The following RFX2 variants were observed in gnomAD, a reference collection of about 807,000 sequenced individuals.
RFX2 encodes regulatory factor X2, also known as DNA-binding protein RFX2.
Under a neutral mutation model 87.8 loss-of-function variants are expected in RFX2, and 20 were observed. The ratio of observed to expected loss-of-function variants is 0.23; its 90% CI spans 0.16 to 0.33. The LOEUF is 0.33. Ranked by LOEUF, RFX2 falls within the 10% of genes least tolerant of loss-of-function variation. The pLI, the probability that RFX2 is intolerant of heterozygous loss-of-function variation, is 1.00. For missense variants in RFX2, 767 were observed against 1,012.3 expected, an observed-to-expected ratio of 0.76 and a Z score of 3.29; for synonymous variants, 397 against 431.3, an observed-to-expected ratio of 0.92 and a Z score of 0.98.
rs994482960 is a variant in RFX2, at chr19:6,022,458, A to G, written c.597+3705T>C. Among the ~76,000 whole-genome samples, 1 of 152,220 alleles carries G rather than the reference A, an allele frequency of 6.6e-6. No homozygotes were observed. The highest frequency in any genetic ancestry group is 2.4e-5 in the African/African-American group (1 of 41,462). Reference sequence around the variant, plus strand: ...GTGCAAGTGATGTGTTTACTTTAGCAGACAGCGCCACCTCATGGTGACAGA... The same window carrying G: ...GTGCAAGTGATGTGTTTACTTTAGCGGACAGCGCCACCTCATGGTGACAGA... On this transcript the variant is annotated intron_variant, in intron 6 of 17. Coordinates refer to ENST00000303657, the MANE Select transcript of RFX2 (RefSeq NM_000635.4). This position sits in a 1 kb window ranked among gnomAD's most constrained non-coding sequence, Gnocchi z 6.2.
chr19:6,003,948 T>C (rs2086535220), intron 13 of RFX2, among the ~76,000 whole-genome samples: 1 of 152,102 alleles, frequency 6.6e-6, no homozygotes, highest in African/African-American at 2.4e-5. Flanking sequence ...CCGAATAAGA[T>C]GAGCACAGAA....
chr19:6,098,028 TTTC>T (rs1331577408), intron 1 of RFX2, among the ~76,000 whole-genome samples: 1 of 152,220 alleles, frequency 6.6e-6, no homozygotes, highest in Non-Finnish European at 1.5e-5. Flanking sequence ...AAAAACCCTC[TTTC>T]TTCTTTTCTT....
chr19:6,004,231 A>C lies in RFX2; in HGVS notation c.1470T>G (p.Ser490Arg), dbSNP rs1303111061. ...SLEGWLTNAMSDFPQQVIQTK... is the reference protein window; with the variant it reads ...SLEGWLTNAMRDFPQQVIQTK... ...TCTGGATGACCTGTTGTGGGAAGTCACTCATGGCATTTGTCAACCAGCCTT... is the reference window on the plus strand; with the variant it reads ...TCTGGATGACCTGTTGTGGGAAGTCCCTCATGGCATTTGTCAACCAGCCTT... The change falls in exon 13 of 18, where the codon AGT becomes AGG. Residue 490 changes from serine (S) to arginine (R), a missense_variant. This residue lies in a region of RFX2 where 621 missense variants were observed against 873.0 expected (regional missense o/e 0.71). Transcript: ENST00000303657. This position sits in a 1 kb window ranked among gnomAD's most constrained non-coding sequence, Gnocchi z 4.8. The C allele has an allele frequency of 7.4e-6, 12 of 1,613,442 alleles. No individual in the cohort carries two copies. Among genetic ancestry groups the C allele is most frequent in the Non-Finnish European group, 1.0e-5 (12 of 1,179,728 alleles).
rs576813191 is a variant in RFX2 at position 6,031,269 on chromosome 19, G to C, written c.523-5032C>G. On this transcript the variant is annotated intron_variant, in intron 5 of 17. Coordinates refer to ENST00000303657, the MANE Select transcript of RFX2 (RefSeq NM_000635.4). Reference sequence around the variant, plus strand: ...CACACACAGGCTTTTCTTGGAGGTGGTCATTGTACTCTGGTGGACTTCCCA... The same window carrying C: ...CACACACAGGCTTTTCTTGGAGGTGCTCATTGTACTCTGGTGGACTTCCCA... Among the ~76,000 whole-genome samples the C allele has an allele frequency of 9.9e-5, 15 of 152,152 alleles. No individual in the cohort carries two copies. The East Asian group carries it at 2.7e-3, about 27-fold the overall frequency.
chr19:5,995,713 T>C, intron 16 of RFX2, 70 bp from the exon 17 acceptor site: 2 of 1,395,378 alleles, frequency 1.4e-6, no homozygotes, highest in Non-Finnish European at 2.0e-6. Flanking sequence ...GCTCGGGGGA[T>C]GCCGGCCCAA....
At chr19:6,019,575 T>A (rs1210867473) in intron 6 of RFX2, among the ~76,000 whole-genome samples, 1 of 135,068 alleles carries the variant, frequency 7.4e-6, no homozygotes, top group African/African-American at 3.1e-5. Flanking sequence ...TTTTTTTTTT[T>A]AGAGACAGGG....
rs867090094 is a variant in RFX2, at chr19:5,998,277, T to C, written c.1860-1064A>G. 6.6e-6 allele frequency among the ~76,000 whole-genome samples: 1 copy of C among 151,960 alleles called. No individual in the cohort carries two copies. The highest frequency in any genetic ancestry group is 1.5e-5 in the Non-Finnish European group (1 of 67,980). ...GAGCCGAGATCATGTCGCTGCACTC[T>C]AGCCTGGGTGACAGAGCAACACTCC... On this transcript the variant is annotated intron_variant, in intron 15 of 17. Transcript: ENST00000303657. The surrounding 1 kb of genome is among the most constrained non-coding windows in gnomAD (Gnocchi z 4.2).
At chr19:6,014,053 T>C (rs2086693441) in intron 7 of RFX2, among the ~76,000 whole-genome samples, 1 of 152,096 alleles carries the variant, frequency 6.6e-6, no homozygotes, top group Non-Finnish European at 1.5e-5. Context: ...GGGAGAATGA[T>C]GATCAGAGGG....
At chr19:6,107,682 A>G (rs1284186185) in intron 1 of RFX2, among the ~76,000 whole-genome samples, 4 of 150,720 alleles carry the variant, frequency 2.7e-5, no homozygotes, top group African/African-American at 9.8e-5. Context: ...CGATTATAAT[A>G]TTAAAGTTAA....
At chr19:6,084,041 A>T (rs1422247763) in intron 1 of RFX2, among the ~76,000 whole-genome samples, 1 of 152,146 alleles carries the variant, frequency 6.6e-6, no homozygotes, top group Non-Finnish European at 1.5e-5. Flanking sequence ...AGAAGACCGG[A>T]TATGGGAGTG....
At position 6,010,193 on chromosome 19, in the gene RFX2, G is replaced by T; in HGVS notation, c.958C>A (p.His320Asn). 6.5e-7 allele frequency: 1 copy of T among 1,548,762 alleles called. No homozygotes were observed. Residue 320 changes from histidine (H) to asparagine (N), a missense_variant, in exon 9 of 18, where the codon CAC (histidine) becomes AAC (asparagine). By Grantham distance (68) the His-to-Asn change is moderately conservative. Coordinates refer to ENST00000303657, the MANE Select transcript of RFX2 (RefSeq NM_000635.4). This position sits in a 1 kb window ranked among gnomAD's most constrained non-coding sequence, Gnocchi z 5.0. Reference protein sequence around the residue: ...LGDSGSHSGLHSTPEQTMAVQ... With the variant: ...LGDSGSHSGLNSTPEQTMAVQ... ...GCCATGGTCTGTTCCGGAGTGCTGT[G>T]CAGGCCGCTGTGGGAGCCGCTGTCC... is the stretch of plus-strand genomic sequence containing the variant.
chr19:6,082,840 G>A (rs544023514), intron 1 of RFX2, among the ~76,000 whole-genome samples: 4 of 152,258 alleles, frequency 2.6e-5, no homozygotes, highest in Non-Finnish European at 4.4e-5. Context: ...TGCACTCAGC[G>A]CTTTTCAGAG....
Position 6,007,119 on chromosome 19 carries a change from G to C in RFX2, c.1295C>G (p.Ser432Cys). The C allele has an allele frequency of 3.7e-6, 6 of 1,614,164 alleles. No individual in the cohort carries two copies. The highest frequency in any genetic ancestry group is 5.1e-6 in the Non-Finnish European group (6 of 1,180,030). Residue 432 changes from serine to cysteine, a missense_variant, in exon 12 of 18, where the codon TCC (serine) becomes TGC (cysteine). Transcript: ENST00000303657. The surrounding 1 kb of genome is among the most constrained non-coding windows in gnomAD (Gnocchi z 8.2). ...GAVLPKDKLI[S>C]LCQCDPILRW... ...GAGGATGGGGTCGCACTGACACAGG[G>C]AGATAAGCTTGTCCTTGGGCAGGAC... is the stretch of plus-strand genomic sequence containing the variant.
In RFX2 at chr19:6,007,963, G is replaced by T. The variant is rs2086606188; in HGVS notation, c.1134+143C>A. ...GGAGCAGGCGATGGACATGGATGCG[G>T]AGGGGCTGCTGCTTCAGAGAGGATG... On this transcript the variant is annotated intron_variant, in intron 10 of 17. Coordinates refer to ENST00000303657, the MANE Select transcript of RFX2 (RefSeq NM_000635.4). This position sits in a 1 kb window ranked among gnomAD's most constrained non-coding sequence, Gnocchi z 8.2. 1.3e-6 allele frequency: 1 copy of T among 790,978 alleles called. No homozygotes were observed. Among genetic ancestry groups the T allele is most frequent in the Admixed American group, 2.0e-5 (1 of 49,142 alleles). The allele number at this position is 790,978 out of a possible 1,614,324, so 49.0% of individuals were successfully genotyped here. A position where few individuals can be genotyped will look rare whatever the true frequency, so the allele number is the denominator to read the frequency against.
Position 6,001,788 on chromosome 19 carries a change from T to A in RFX2, c.1859+27A>T. 1 of 1,556,550 alleles carries A rather than the reference T, an allele frequency of 6.4e-7. No homozygotes were observed. The highest frequency in any genetic ancestry group is 8.7e-7 in the Non-Finnish European group (1 of 1,146,392). On this transcript the variant is annotated intron_variant, in intron 15 of 17. Coordinates refer to ENST00000303657, the MANE Select transcript of RFX2 (RefSeq NM_000635.4). This position sits in a 1 kb window ranked among gnomAD's most constrained non-coding sequence, Gnocchi z 5.6. Reference sequence around the variant, plus strand: ...TCTCAGAGCCCCCCACCCGCCAGAATTCTCTCGGAGGTCTGGTGGGACTAA... The same window carrying A: ...TCTCAGAGCCCCCCACCCGCCAGAAATCTCTCGGAGGTCTGGTGGGACTAA...
chr19:6,003,904 A>G (rs2086534194), intron 13 of RFX2, among the ~76,000 whole-genome samples: 1 of 151,942 alleles, frequency 6.6e-6, no homozygotes, highest in Admixed American at 6.6e-5. Flanking sequence ...CCAAGATTGC[A>G]GCAATAAGGG....
At position 6,008,072 on chromosome 19, in the gene RFX2, C is replaced by T. The variant is rs1461999642; in HGVS notation, c.1134+34G>A. 1.6e-5 allele frequency: 23 copies of T among 1,475,842 alleles called. No homozygotes were observed. The East Asian group carries it at 2.5e-4, about 16-fold the overall frequency. The allele number at this position is 1,475,842 out of a possible 1,614,324, so 91.4% of individuals were successfully genotyped here. A position where few individuals can be genotyped will look rare whatever the true frequency, so the allele number is the denominator to read the frequency against. On this transcript the variant is annotated intron_variant, in intron 10 of 17. Transcript: ENST00000303657. ...GCGCTGGCGGTTCCCGGGAGGGACA[C>T]GCAGGAGCTGCCTGCCTGGGCTGGG... is the stretch of plus-strand genomic sequence containing the variant.
chr19:6,016,344 A>T lies in RFX2; in HGVS notation c.598-73T>A. ...CTAACATGCCAACGTGGACTCATTA[A>T]GAGAATTACTTGCGTTCCCTGTGTT... is the stretch of plus-strand genomic sequence containing the variant. On this transcript the variant is annotated intron_variant, in intron 6 of 17. Coordinates refer to ENST00000303657, the MANE Select transcript of RFX2 (RefSeq NM_000635.4). The surrounding 1 kb of genome is among the most constrained non-coding windows in gnomAD (Gnocchi z 5.4). The T allele has an allele frequency of 1.8e-6, 2 of 1,094,112 alleles. No homozygotes were observed. The highest frequency in any genetic ancestry group is 2.6e-6 in the Non-Finnish European group (2 of 768,372). 67.8% of individuals were successfully genotyped at this position (1,094,112 alleles called of 1,614,324 possible).
chr19:6,031,753 A>T (rs2086956549), intron 5 of RFX2, among the ~76,000 whole-genome samples: 1 of 152,056 alleles, frequency 6.6e-6, no homozygotes, highest in Non-Finnish European at 1.5e-5. Flanking sequence ...TCTTAAAAAC[A>T]TCTTTTAGAA....
Sources: allele counts gnomAD v4.1 joint callset (sites outside exome capture counted in the v4.1 genomes callset), GRCh38; gene constraint gnomAD v4.1.1; regional missense constraint gnomAD v4.1.1; non-coding constraint Gnocchi (gnomAD v3.1); transcripts MANE v1.5; gene names NCBI Gene and HGNC (gene_info 2026-07-23, HGNC 2026-07-21).